The following CAMKMT variants were observed in gnomAD, a reference collection of about 807,000 sequenced individuals.
CAMKMT encodes calmodulin-lysine N-methyltransferase.
A neutral mutation model predicts 48.0 loss-of-function variants in CAMKMT; 53 were observed. That is an observed-to-expected ratio of 1.10 (90% confidence interval 0.89 to 1.39). CAMKMT has a LOEUF of 1.39. CAMKMT is among the 40% of genes most tolerant of loss of function. The probability of loss-of-function intolerance (pLI) is 0.00; values close to 1 mark genes in which losing one functional copy is unlikely to be tolerated. For missense variants in CAMKMT, 428 were observed against 402.7 expected (o/e 1.06, Z -0.54); for synonymous variants, 165 against 152.3 (o/e 1.08, Z -0.61).
At chr2:44,362,314 A>G (rs1015778322) in intron 1 of CAMKMT, among the ~76,000 whole-genome samples, 169 bp downstream of exon 1, 1 of 152,100 alleles carries the variant, frequency 6.6e-6, no homozygotes, top group Non-Finnish European at 1.5e-5. Flanking sequence ...CGTCCCATCC[A>G]AGAGGAGGAA....
At chr2:44,379,157 A>G (rs934795895) in intron 2 of CAMKMT, among the ~76,000 whole-genome samples, 7 of 152,168 alleles carry the variant, frequency 4.6e-5, no homozygotes, top group African/African-American at 1.7e-4. Flanking sequence ...ATGTAAATGG[A>G]ATCCTACAAT....
At chr2:44,642,814 G>T (rs1673519307) in intron 3 of CAMKMT, among the ~76,000 whole-genome samples, 1 of 152,126 alleles carries the variant, frequency 6.6e-6, no homozygotes, top group South Asian at 2.1e-4. Flanking sequence ...GGCTCAGGGA[G>T]GGCTTGGTAA....
chr2:44,623,668 C>T (rs1247510249), intron 3 of CAMKMT, among the ~76,000 whole-genome samples: 1 of 152,026 alleles, frequency 6.6e-6, no homozygotes, highest in African/African-American at 2.4e-5. Flanking sequence ...GTTCTTTATT[C>T]TGTTCCATTA....
At chr2:44,581,740 C>T (rs984268729) in intron 3 of CAMKMT, among the ~76,000 whole-genome samples, 3 of 152,230 alleles carry the variant, frequency 2.0e-5, no homozygotes, top group Non-Finnish European at 4.4e-5. Flanking sequence ...GTGGCTCACG[C>T]CTGTAATCCC....
At chr2:44,661,402 G>C (rs1179835402) in intron 3 of CAMKMT, among the ~76,000 whole-genome samples, 1 of 136,740 alleles carries the variant, frequency 7.3e-6, no homozygotes, top group Non-Finnish European at 1.5e-5. Context: ...TGCTACCACT[G>C]TTTCCTGGGT....
chr2:44,640,868 C>A (rs775205407), intron 3 of CAMKMT, among the ~76,000 whole-genome samples: 1 of 152,140 alleles, frequency 6.6e-6, no homozygotes, highest in Admixed American at 6.5e-5. Flanking sequence ...TTTCCCAAAG[C>A]CTTTTCGAAC....
At chr2:44,512,082 C>T (rs1012768491) in intron 3 of CAMKMT, among the ~76,000 whole-genome samples, 3 of 152,168 alleles carry the variant, frequency 2.0e-5, no homozygotes, top group Non-Finnish European at 2.9e-5. Flanking sequence ...GTCTTCCTTA[C>T]GTCAGCCATG....
At chr2:44,403,699 C>T (rs923603814) in intron 3 of CAMKMT, among the ~76,000 whole-genome samples, 3 of 152,090 alleles carry the variant, frequency 2.0e-5, no homozygotes, top group Admixed American at 6.6e-5. Context: ...CCATCTTTAA[C>T]GCATACACAC....
intron 3 of CAMKMT, among the ~76,000 whole-genome samples, chr2:44,455,402 T>C (rs1477665293): frequency 6.6e-6 from 1 of 152,146 alleles, no homozygotes; most frequent in Non-Finnish European, 1.5e-5. Flanking sequence ...AGAGAAGAAA[T>C]TGCGTTGCCA....
chr2:44,569,175 G>A (rs1668775767), intron 3 of CAMKMT, among the ~76,000 whole-genome samples: 1 of 152,094 alleles, frequency 6.6e-6, no homozygotes, highest in Non-Finnish European at 1.5e-5. Context: ...CAACTCAATA[G>A]GAAAACTATT....
At chr2:44,690,230 A>G (rs1255203074) in intron 3 of CAMKMT, among the ~76,000 whole-genome samples, 1 of 152,236 alleles carries the variant, frequency 6.6e-6, no homozygotes, top group East Asian at 1.9e-4. Context: ...GTAATTTTAT[A>G]GTTTTCATTT....
At chr2:44,655,901 C>T (rs1674352615) in intron 3 of CAMKMT, among the ~76,000 whole-genome samples, 1 of 152,194 alleles carries the variant, frequency 6.6e-6, no homozygotes, top group South Asian at 2.1e-4. Flanking sequence ...TAGCAAACAT[C>T]AGCCTCTTCT....
In CAMKMT at chr2:44,450,206, A is replaced by G. The variant is rs767707757; in HGVS notation, c.376+59901A>G. Among the ~76,000 whole-genome samples the G allele has an allele frequency of 6.5e-4, 99 of 152,140 alleles. 1 individual carries two copies. Among genetic ancestry groups the G allele is most frequent in the Non-Finnish European group, 1.0e-3 (69 of 68,012 alleles). On this transcript the variant is annotated intron_variant, in intron 3 of 10. Transcript: ENST00000378494. ...TAAGGTCATAGCAGGCTCAGTGAAT[A>G]ATGCTGACTTACACTGCGTCTCACT... is the stretch of plus-strand genomic sequence containing the variant.
intron 1 of CAMKMT, among the ~76,000 whole-genome samples, chr2:44,363,540 G>T (rs183293953): frequency 2.0e-5 from 3 of 151,328 alleles, no homozygotes; most frequent in Non-Finnish European, 4.4e-5. Flanking sequence ...ACCACGCCTG[G>T]CTAATTTTTT....
chr2:44,385,319 G>T lies in CAMKMT; in HGVS notation c.312-4922G>T, dbSNP rs543404396. ...GTGTATAGAAAAACTATTGATTTGT[G>T]TACATTAACCTTGTATTTGGAAATT... On this transcript the variant is annotated intron_variant, in intron 2 of 10. Coordinates refer to ENST00000378494, the MANE Select transcript of CAMKMT (RefSeq NM_024766.5). Among the ~76,000 whole-genome samples the T allele has an allele frequency of 2.0e-5, 3 of 151,918 alleles. No homozygotes were observed. In the South Asian group the frequency reaches 6.2e-4, roughly 32 times the overall value.
At chr2:44,403,723 T>C (rs1682590084) in intron 3 of CAMKMT, among the ~76,000 whole-genome samples, 1 of 152,214 alleles carries the variant, frequency 6.6e-6, no homozygotes, top group African/African-American at 2.4e-5. Context: ...TATGCACTCA[T>C]ATACATTAAT....
intron 3 of CAMKMT, among the ~76,000 whole-genome samples, chr2:44,503,635 A>C (rs1001582371): frequency 3.9e-5 from 6 of 152,174 alleles, no homozygotes; most frequent in Non-Finnish European, 8.8e-5. Context: ...ACTGAGAAAA[A>C]GAGGAAAAAA....
At chr2:44,520,629 A>G (rs1190505731) in intron 3 of CAMKMT, among the ~76,000 whole-genome samples, 1 of 152,220 alleles carries the variant, frequency 6.6e-6, no homozygotes, top group Non-Finnish European at 1.5e-5. Flanking sequence ...ATGAATTCAA[A>G]GACTGACTCT....
chr2:44,627,157 T>C lies in CAMKMT; in HGVS notation c.377-77126T>C, dbSNP rs578176141. On this transcript the variant is annotated intron_variant, in intron 3 of 10. Coordinates refer to ENST00000378494, the MANE Select transcript of CAMKMT (RefSeq NM_024766.5). ...GCTTTTCTCCTTTACTTTGTTAATG[T>C]GGTAAATTACATGATTTTCTAATGT... Among the ~76,000 whole-genome samples, 6 of 152,328 alleles carry C rather than the reference T, an allele frequency of 3.9e-5. No individual in the cohort carries two copies. The Middle Eastern group carries it at 0.01, about 259-fold the overall frequency.
Sources: gnomAD v4.1 joint callset for allele counts (sites outside exome capture counted in the v4.1 genomes callset) on GRCh38, gnomAD v4.1.1 for gene constraint, MANE v1.5 for transcripts, NCBI Gene and HGNC (gene_info 2026-07-23, HGNC 2026-07-21) for gene names.